HNRNPLL: variants seen among roughly 807,000 people sequenced by gnomAD.
HNRNPLL encodes the protein heterogeneous nuclear ribonucleoprotein L-like.
HNRNPLL carries 25 observed loss-of-function variants against 67.1 expected under a neutral mutation model. That is an observed-to-expected ratio of 0.37 (90% CI 0.27 to 0.52). The LOEUF (loss-of-function observed/expected upper bound fraction) is 0.52. Among genes scored for constraint, HNRNPLL ranks in the 20% least tolerant of loss-of-function variants. The probability of loss-of-function intolerance (pLI) is 0.90; values close to 1 mark genes in which losing one functional copy is unlikely to be tolerated. For missense variants in HNRNPLL, 542 were observed against 673.9 expected, an observed-to-expected ratio of 0.80 and a Z score of 2.17; for synonymous variants, 267 against 241.7, an observed-to-expected ratio of 1.10 and a Z score of -0.97.
Position 38,602,643 on chromosome 2 carries a change from A to C in HNRNPLL, c.-17T>G. 1 of 1,488,854 alleles carries C rather than the reference A, an allele frequency of 6.7e-7. No homozygotes were observed. The highest frequency in any genetic ancestry group is 8.9e-7 in the Non-Finnish European group (1 of 1,122,900). The allele number at this position is 1,488,854 out of a possible 1,614,324, so 92.2% of individuals were successfully genotyped here. ...GGAGGACATGGCGGCGGCCGGAGGG[A>C]CCGGCTGGCAGGCGGGTGGGGGTGG... On this transcript the variant is annotated 5_prime_UTR_variant, in exon 1 of 13. Transcript: ENST00000449105.
intron 8 of HNRNPLL, among the ~76,000 whole-genome samples, chr2:38,570,905 G>A (rs961263649): frequency 7.2e-5 from 11 of 151,938 alleles, no homozygotes; most frequent in Non-Finnish European, 1.3e-4. Flanking sequence ...AAAACCAGCT[G>A]GGCATGGTGG....
At chr2:38,568,497 T>C in intron 10 of HNRNPLL, 54 bp from the exon 11 acceptor site, 1 of 1,177,034 alleles carries the variant, frequency 8.5e-7, no homozygotes, top group Non-Finnish European at 1.2e-6. Context: ...ATATCCCACT[T>C]TTTTACAGAA....
At chr2:38,569,724 G>A (rs1665998117) in intron 9 of HNRNPLL, 80 bp downstream of exon 9, 1 of 709,804 alleles carries the variant, frequency 1.4e-6, no homozygotes, top group African/African-American at 1.8e-5. Context: ...ATATTCTCAA[G>A]TTGACATTAA....
chr2:38,599,845 C>A, intron 1 of HNRNPLL: 1 of 468,306 alleles, frequency 2.1e-6, no homozygotes, highest in Admixed American at 2.4e-5. Flanking sequence ...GCTTACTTTG[C>A]ACTTTACAAA....
Position 38,596,625 on chromosome 2 carries a change from A to C in HNRNPLL, c.190-4977T>G, listed in dbSNP as rs183562416. Among the ~76,000 whole-genome samples, 289 of 152,298 alleles carry C rather than the reference A, an allele frequency of 1.9e-3. 1 individual carries two copies. Among genetic ancestry groups the C allele is most frequent in the South Asian group, 4.8e-3 (23 of 4,828 alleles). On this transcript the variant is annotated intron_variant, in intron 1 of 12. Coordinates refer to ENST00000449105, the MANE Select transcript of HNRNPLL (RefSeq NM_138394.4). ...CATCATACTATGAATCTTGACTCCT[A>C]AACTGGTGAACAAATCAGTTTTGTT... is the stretch of plus-strand genomic sequence containing the variant.
chr2:38,567,239 A>G (rs1244763769), intron 12 of HNRNPLL, among the ~76,000 whole-genome samples: 1 of 152,092 alleles, frequency 6.6e-6, no homozygotes, highest in Non-Finnish European at 1.5e-5. Context: ...AGTAGCTGAA[A>G]CTACAAGTGT....
chr2:38,582,096 G>A lies in HNRNPLL; in HGVS notation c.705C>T (p.Cys235=). 1 of 1,613,614 alleles carries A rather than the reference G, an allele frequency of 6.2e-7. No individual in the cohort carries two copies. ...CCCGTGCATATTCAATTTTTAGTGT[G>A]CAACATCCAGCATATATATCAGCTC... ...LNGADIYAGC[C]TLKIEYARPT... Residue 235 remains cysteine (C), a synonymous_variant, in exon 5 of 13, where the codon TGC becomes TGT. Coordinates refer to ENST00000449105, the MANE Select transcript of HNRNPLL (RefSeq NM_138394.4).
At chr2:38,574,027 A>AT (rs1042481645) in intron 7 of HNRNPLL, among the ~76,000 whole-genome samples, 4 of 151,878 alleles carry the variant, frequency 2.6e-5, no homozygotes, top group Non-Finnish European at 4.4e-5. Context: ...TACAACTTCC[A>AT]TTTTTTTGAA....
intron 1 of HNRNPLL, 65 bp downstream of exon 1, chr2:38,602,373 G>A (rs977342478): frequency 3.4e-6 from 5 of 1,470,068 alleles, no homozygotes; most frequent in Non-Finnish European, 4.6e-6. Flanking sequence ...GGGAGGCCCC[G>A]CACCGAGGCC....
intron 7 of HNRNPLL, among the ~76,000 whole-genome samples, chr2:38,575,442 T>C (rs935775978): frequency 1.3e-5 from 2 of 151,834 alleles, no homozygotes; most frequent in Non-Finnish European, 3.0e-5. Flanking sequence ...TGCTACAAAT[T>C]AATACACAAA....
At position 38,568,589 on chromosome 2, in the gene HNRNPLL, C is replaced by T. The variant is rs1189735738; in HGVS notation, c.1417-146G>A. ...GTATGTTTTCTACATTAATATCAAGCTGTATGAAAAAATCAATTAAAAACA... is the reference window on the plus strand; with the variant it reads ...GTATGTTTTCTACATTAATATCAAGTTGTATGAAAAAATCAATTAAAAACA... On this transcript the variant is annotated intron_variant, in intron 10 of 12. Transcript: ENST00000449105. The T allele has an allele frequency of 5.0e-6, 3 of 597,448 alleles. No individual in the cohort carries two copies. In the African/African-American group the frequency reaches 5.6e-5, roughly 11 times the overall value. The allele number at this position is 597,448 out of a possible 1,614,324, so 37.0% of individuals were successfully genotyped here.
At chr2:38,578,515 C>T (rs1256956071) in intron 6 of HNRNPLL, among the ~76,000 whole-genome samples, 1 of 151,962 alleles carries the variant, frequency 6.6e-6, no homozygotes, top group East Asian at 1.9e-4. Flanking sequence ...TCCTTAGTCA[C>T]CTAAACAAAT....
intron 1 of HNRNPLL, among the ~76,000 whole-genome samples, chr2:38,595,372 A>G (rs186354027): frequency 3.0e-4 from 45 of 151,984 alleles, no homozygotes; most frequent in Non-Finnish European, 5.2e-4. Context: ...ATTATAGGTA[A>G]CCACTATCAT....
chr2:38,577,886 A>G (rs1319323683), intron 6 of HNRNPLL: 2 of 475,970 alleles, frequency 4.2e-6, no homozygotes, highest in Non-Finnish European at 8.7e-6. Flanking sequence ...TCTTTAAAAC[A>G]AGCTTTAAGT....
At chr2:38,588,366 G>A (rs1321673198) in intron 2 of HNRNPLL, among the ~76,000 whole-genome samples, 4 of 151,690 alleles carry the variant, frequency 2.6e-5, no homozygotes, top group Admixed American at 2.6e-4. Flanking sequence ...TGGCCAAGAT[G>A]GTGAAACCCT....
At chr2:38,591,508 A>G (rs756209063) in intron 2 of HNRNPLL, 22 bp downstream of exon 2, 1 of 1,181,580 alleles carries the variant, frequency 8.5e-7, no homozygotes, top group Non-Finnish European at 1.3e-6. Context: ...TTCAATCTAC[A>G]TGAAGTCCCT....
intron 7 of HNRNPLL, among the ~76,000 whole-genome samples, chr2:38,575,713 A>C (rs1472435836): frequency 1.3e-5 from 2 of 151,858 alleles, no homozygotes; most frequent in East Asian, 3.8e-4. Flanking sequence ...AGGAAAGGTC[A>C]TCTATAAGGT....
intron 4 of HNRNPLL, among the ~76,000 whole-genome samples, chr2:38,582,552 C>T (rs543173551): frequency 5.9e-5 from 9 of 152,260 alleles, no homozygotes; most frequent in East Asian, 3.9e-4. Flanking sequence ...CTTCGTGATC[C>T]GCCCGCCTCG....
chr2:38,592,037 C>T (rs1261661004), intron 1 of HNRNPLL, among the ~76,000 whole-genome samples: 2 of 152,074 alleles, frequency 1.3e-5, no homozygotes, highest in African/African-American at 4.8e-5. Flanking sequence ...TTCAAACCTG[C>T]TTAAAAAGTA....
Sources: gnomAD v4.1 joint callset for allele counts (sites outside exome capture counted in the v4.1 genomes callset) on GRCh38, gnomAD v4.1.1 for gene constraint, MANE v1.5 for transcripts, NCBI Gene and HGNC (gene_info 2026-07-23, HGNC 2026-07-21) for gene names.